TNFSF11: variants seen among roughly 807,000 people sequenced by gnomAD.
TNFSF11 encodes the protein tumor necrosis factor ligand superfamily member 11.
In TNFSF11, 12 loss-of-function variants were observed where a neutral mutation model predicts 32.2. The ratio of observed to expected loss-of-function variants is 0.37; its 90% CI spans 0.24 to 0.60. The LOEUF (loss-of-function observed/expected upper bound fraction) is 0.60. TNFSF11 is among the 20% of genes least tolerant of loss of function. TNFSF11 has a pLI of 0.66. For synonymous variants in TNFSF11, 172 were observed against 152.1 expected (o/e 1.13, Z -0.96); for missense variants, 345 against 398.0 (o/e 0.87, Z 1.13).
At chr13:42,589,534 T>G (rs1046541384) in intron 2 of TNFSF11, among the ~76,000 whole-genome samples, 1 of 152,238 alleles carries the variant, frequency 6.6e-6, no homozygotes, top group Non-Finnish European at 1.5e-5. Flanking sequence ...TCTGAGCTGC[T>G]GAACATGTAA....
intron 4 of TNFSF11, among the ~76,000 whole-genome samples, chr13:42,602,010 G>A (rs762018965): frequency 2.0e-5 from 3 of 152,204 alleles, no homozygotes; most frequent in Non-Finnish European, 4.4e-5. Flanking sequence ...ACATAAGCAG[G>A]CCACAAGGTA....
chr13:42,563,855 G>A (rs1021049445), intron 1 of TNFSF11, among the ~76,000 whole-genome samples: 1 of 152,070 alleles, frequency 6.6e-6, no homozygotes, highest in South Asian at 2.1e-4. Context: ...GACATTTTGA[G>A]TCAATGAGTT....
intron 1 of TNFSF11, among the ~76,000 whole-genome samples, chr13:42,579,855 CATG>C (rs1323791826): frequency 6.6e-6 from 1 of 151,656 alleles, no homozygotes; most frequent in Non-Finnish European, 1.5e-5. Flanking sequence ...GTATCTCTTC[CATG>C]ATGATTATAG....
chr13:42,575,833 A>G (rs1052198557), intron 1 of TNFSF11, among the ~76,000 whole-genome samples: 2 of 152,260 alleles, frequency 1.3e-5, no homozygotes, highest in African/African-American at 2.4e-5. Context: ...ACAAATCTAT[A>G]TGAAAGTGAC....
At chr13:42,593,779 T>C (rs1169070648) in intron 2 of TNFSF11, among the ~76,000 whole-genome samples, 1 of 152,214 alleles carries the variant, frequency 6.6e-6, no homozygotes, top group Non-Finnish European at 1.5e-5. Flanking sequence ...AAACGGGGTG[T>C]TAAATCCTTG....
chr13:42,573,006 A>G (rs1357636067), upstream of TNFSF11, among the ~76,000 whole-genome samples: 1 of 152,222 alleles, frequency 6.6e-6, no homozygotes, highest in African/African-American at 2.4e-5. Flanking sequence ...TAGTATTTGC[A>G]TTTAACCTAC....
Position 42,574,222 on chromosome 13 carries a change from G to A in TNFSF11, c.-82G>A. 2 of 1,515,668 alleles carry A rather than the reference G, an allele frequency of 1.3e-6. No individual in the cohort carries two copies. The highest frequency in any genetic ancestry group is 1.8e-6 in the Non-Finnish European group (2 of 1,121,672). 93.9% of individuals were successfully genotyped at this position (1,515,668 alleles called of 1,614,324 possible). A position where few individuals can be genotyped will look rare whatever the true frequency, so the allele number is the denominator to read the frequency against. On this transcript the variant is annotated 5_prime_UTR_variant, in exon 1 of 5. Coordinates refer to ENST00000398795, the MANE Select transcript of TNFSF11 (RefSeq NM_003701.4). ...CGGCGCCCCACGTCGAGGCTCCGCCGCAGCCTCCGGAGTTGGCCGCAGACA... is the reference window on the plus strand; with the variant it reads ...CGGCGCCCCACGTCGAGGCTCCGCCACAGCCTCCGGAGTTGGCCGCAGACA...
chr13:42,587,602 C>A (rs1873958746), intron 2 of TNFSF11, among the ~76,000 whole-genome samples: 1 of 152,216 alleles, frequency 6.6e-6, no homozygotes, highest in Non-Finnish European at 1.5e-5. Context: ...CAACAGCATT[C>A]ATCTTTTTGA....
In TNFSF11 at chr13:42,595,231, G is replaced by T. The variant is rs559324726; in HGVS notation, c.388-5521G>T. ...TGAATGGGCAGAGATTTCTTTGGTT[G>T]CTCTCTTTGGTAGTTCGGTTTCCTT... is the stretch of plus-strand genomic sequence containing the variant. On this transcript the variant is annotated intron_variant, in intron 2 of 4. Coordinates refer to ENST00000398795, the MANE Select transcript of TNFSF11 (RefSeq NM_003701.4). Among the ~76,000 whole-genome samples the T allele has an allele frequency of 2.6e-5, 4 of 152,256 alleles. No individual in the cohort carries two copies. In the South Asian group the frequency reaches 8.3e-4, roughly 32 times the overall value.
upstream of TNFSF11, among the ~76,000 whole-genome samples, chr13:42,571,365 T>C (rs1031661939): frequency 8.4e-6 from 1 of 119,300 alleles, no homozygotes; most frequent in Non-Finnish European, 1.8e-5. Flanking sequence ...TTATTTTTAT[T>C]TTTATCTTTT....
At chr13:42,590,832 A>T (rs758155409) in intron 2 of TNFSF11, among the ~76,000 whole-genome samples, 1 of 152,238 alleles carries the variant, frequency 6.6e-6, no homozygotes, top group Non-Finnish European at 1.5e-5. Flanking sequence ...CATGAAGGTT[A>T]AACAATAAAA....
intron 4 of TNFSF11, among the ~76,000 whole-genome samples, chr13:42,603,009 T>A: frequency 6.6e-6 from 1 of 152,214 alleles, no homozygotes; most frequent in East Asian, 1.9e-4. Context: ...AGTTAGTGTA[T>A]ACTTCTGTTT....
intron 1 of TNFSF11, among the ~76,000 whole-genome samples, chr13:42,578,131 G>A (rs1873410220): frequency 6.6e-6 from 1 of 152,182 alleles, no homozygotes; most frequent in Non-Finnish European, 1.5e-5. Context: ...CTAATGATTT[G>A]CAACACTACA....
chr13:42,599,339 A>G (rs1172696929), intron 2 of TNFSF11, among the ~76,000 whole-genome samples: 2 of 68,476 alleles, frequency 2.9e-5, no homozygotes, highest in East Asian at 1.0e-3. Flanking sequence ...CTATCTATCT[A>G]TCTATCTATC....
intron 2 of TNFSF11, among the ~76,000 whole-genome samples, chr13:42,593,299 T>C (rs1286703648): frequency 1.3e-5 from 2 of 152,194 alleles, no homozygotes; most frequent in Non-Finnish European, 2.9e-5. Context: ...GGCCCAGTTA[T>C]GCAGGGCCTT....
rs114207966 is a variant in TNFSF11, at chr13:42,590,011, C to T, written c.387+8718C>T. Among the ~76,000 whole-genome samples the T allele has an allele frequency of 3.0e-3, 460 of 152,354 alleles. 5 individuals carry two copies. The highest frequency in any genetic ancestry group is 0.01 in the African/African-American group (422 of 41,588). ...CCACCCACCTGTGGGGGTAGGTGCC[C>T]CTCCTGGGCCCACACGGGGCTTCTT... On this transcript the variant is annotated intron_variant, in intron 2 of 4. Transcript: ENST00000398795.
chr13:42,592,831 T>G (rs1380446653), intron 2 of TNFSF11, among the ~76,000 whole-genome samples: 1 of 152,142 alleles, frequency 6.6e-6, no homozygotes, highest in Non-Finnish European at 1.5e-5. Context: ...TCTGATGGTT[T>G]TATAAGCATC....
intron 2 of TNFSF11, among the ~76,000 whole-genome samples, chr13:42,567,515 C>T (rs1449897832): frequency 7.2e-5 from 11 of 152,126 alleles, no homozygotes; most frequent in African/African-American, 2.7e-4. Context: ...AAATGCACTC[C>T]TTTAGGGGTG....
intron 2 of TNFSF11, among the ~76,000 whole-genome samples, chr13:42,584,156 C>G (rs1448500701): frequency 6.6e-6 from 1 of 152,092 alleles, no homozygotes; most frequent in African/African-American, 2.4e-5. Context: ...TAACTATGCA[C>G]AGTCATAATT....
Sources: gnomAD v4.1 joint callset for allele counts (sites outside exome capture counted in the v4.1 genomes callset) on GRCh38, gnomAD v4.1.1 for gene constraint, MANE v1.5 for transcripts, NCBI Gene and HGNC (gene_info 2026-07-23, HGNC 2026-07-21) for gene names.